Variants in VRTN observed in about 807,000 individuals in gnomAD.
VRTN encodes vertebrae development associated, also known as vertnin.
VRTN carries 5 observed loss-of-function variants against 18.2 expected under a neutral mutation model. The ratio of observed to expected loss-of-function variants is 0.27; its 90% CI spans 0.14 to 0.58. The LOEUF (loss-of-function observed/expected upper bound fraction) is 0.58, where lower values mean the gene tolerates loss of function less well. Ranked by LOEUF, VRTN falls within the 20% of genes least tolerant of loss-of-function variation. The pLI is 0.91. For synonymous variants in VRTN, 381 were observed against 393.7 expected (o/e 0.97, Z 0.38); for missense variants, 741 against 939.4 (o/e 0.79, Z 2.76).
chr14:74,304,384 G>C (rs773947455), intron 1 of VRTN, among the ~76,000 whole-genome samples: 2 of 151,992 alleles, frequency 1.3e-5, no homozygotes, highest in African/African-American at 2.4e-5. Context: ...TCGAACTCCC[G>C]ACCTCAGGTG....
In VRTN at chr14:74,357,889, T is replaced by C. The variant is rs747196358; in HGVS notation, c.1106T>C (p.Leu369Pro). 1 of 1,614,040 alleles carries C rather than the reference T, an allele frequency of 6.2e-7. No individual in the cohort carries two copies. The highest frequency in any genetic ancestry group is 8.5e-7 in the Non-Finnish European group (1 of 1,180,028). Residue 369 changes from leucine (L) to proline (P), a missense_variant, in exon 2 of 2, where the codon CTG (leucine) becomes CCG (proline). By Grantham distance (98) the Leu-to-Pro change is moderately conservative. Around this residue, in one of 3 missense-constraint regions of VRTN, gnomAD observed 494 missense variants for 546.5 expected, o/e 0.90. Coordinates refer to ENST00000256362, the MANE Select transcript of VRTN (RefSeq NM_018228.3). The surrounding 1 kb of genome is among the most constrained non-coding windows in gnomAD (Gnocchi z 7.8). ...TCPALPPREV[L>P]GMEELEKLPE... ...CCGGCCTTGCCCCCCAGGGAGGTGCTGGGCATGGAGGAGCTAGAGAAGCTG... is the reference window on the plus strand; with the variant it reads ...CCGGCCTTGCCCCCCAGGGAGGTGCCGGGCATGGAGGAGCTAGAGAAGCTG...
At chr14:74,317,719 G>A (rs550070155) in intron 1 of VRTN, among the ~76,000 whole-genome samples, 3 of 152,124 alleles carry the variant, frequency 2.0e-5, no homozygotes, top group African/African-American at 4.8e-5. Flanking sequence ...TGAGAATCAC[G>A]TGAACTTGGG....
chr14:74,343,751 C>G (rs2085623738), upstream of VRTN, among the ~76,000 whole-genome samples: 2 of 151,968 alleles, frequency 1.3e-5, no homozygotes, highest in South Asian at 4.1e-4. Context: ...AAATACACAC[C>G]AGATTTTGAA....
intron 1 of VRTN, among the ~76,000 whole-genome samples, chr14:74,323,582 TA>T (rs753171321): frequency 5.5e-4 from 77 of 140,392 alleles, no homozygotes; most frequent in Admixed American, 1.9e-3. Flanking sequence ...AAATTCCATC[TA>T]AAAAAAAAAA....
upstream of VRTN, among the ~76,000 whole-genome samples, chr14:74,347,548 C>T (rs550389940): frequency 1.9e-4 from 29 of 152,296 alleles, no homozygotes; most frequent in Admixed American, 1.4e-3. Flanking sequence ...AGAGACAGCA[C>T]GGAGGAGCTG....
chr14:74,357,254 C>T lies in VRTN; in HGVS notation c.471C>T (p.Phe157=), dbSNP rs367591527. Reference sequence around the variant, plus strand: ...CCCCCGCCACGCTGGAGGCCATCTTCGATGCCGACGTCAAGGCCTCCTGTT... The same window carrying T: ...CCCCCGCCACGCTGGAGGCCATCTTTGATGCCGACGTCAAGGCCTCCTGTT... ...SLPPATLEAI[F]DADVKASCFP... The change falls in exon 2 of 2, where the codon TTC becomes TTT. Residue 157 remains phenylalanine, a synonymous_variant. Transcript: ENST00000256362. This position sits in a 1 kb window ranked among gnomAD's most constrained non-coding sequence, Gnocchi z 7.8. 87 of 1,613,540 alleles carry T rather than the reference C, an allele frequency of 5.4e-5. No homozygotes were observed. The highest frequency in any genetic ancestry group is 5.6e-5 in the Non-Finnish European group (66 of 1,179,828).
At chr14:74,327,166 A>G (rs1367083717) in intron 1 of VRTN, among the ~76,000 whole-genome samples, 2 of 152,146 alleles carry the variant, frequency 1.3e-5, no homozygotes, top group Non-Finnish European at 2.9e-5. Context: ...TGCTTGGAAC[A>G]ATGGTAGGTG....
chr14:74,303,037 C>T, upstream of VRTN: 1 of 1,063,900 alleles, frequency 9.4e-7, no homozygotes, highest in Non-Finnish European at 1.3e-6. Flanking sequence ...GTGCGGGAGA[C>T]GCGGACTCTC....
At chr14:74,324,652 C>A (rs1350894987) in intron 1 of VRTN, among the ~76,000 whole-genome samples, 2 of 152,002 alleles carry the variant, frequency 1.3e-5, no homozygotes, top group African/African-American at 4.8e-5. Flanking sequence ...CTTTGGGAGG[C>A]CGAGGCAGGA....
chr14:74,331,730 G>A (rs1024543097), intron 1 of VRTN, among the ~76,000 whole-genome samples: 9 of 128,946 alleles, frequency 7.0e-5, no homozygotes, highest in African/African-American at 3.1e-4. Context: ...CACACTTTAC[G>A]TTGTGTAAGA....
chr14:74,344,733 T>TAAAAAAAAAAAAAAAAAAA (rs60479764), upstream of VRTN, among the ~76,000 whole-genome samples: 3 of 54,034 alleles, frequency 5.6e-5, no homozygotes, highest in African/African-American at 2.5e-4. Context: ...AGACTCTGAC[T>TAAAAAAAAAAAAAAAAAAA]AAAAAAAAAA....
At chr14:74,321,078 G>A (rs911989965) in intron 1 of VRTN, among the ~76,000 whole-genome samples, 1 of 151,986 alleles carries the variant, frequency 6.6e-6, no homozygotes, top group Non-Finnish European at 1.5e-5. Flanking sequence ...AGGAGAAACA[G>A]GAAGGTGAGA....
At chr14:74,325,221 C>T (rs1279236764) in intron 1 of VRTN, among the ~76,000 whole-genome samples, 1 of 152,070 alleles carries the variant, frequency 6.6e-6, no homozygotes, top group African/African-American at 2.4e-5. Context: ...GGGACAGCTC[C>T]TGTGGGCCAT....
chr14:74,319,976 C>T (rs1364351334), intron 1 of VRTN, among the ~76,000 whole-genome samples: 3 of 152,036 alleles, frequency 2.0e-5, no homozygotes, highest in African/African-American at 7.2e-5. Flanking sequence ...TGGCTGGGCA[C>T]GGTGGCTCAT....
chr14:74,331,544 T>TTATTTATATATA, intron 1 of VRTN, among the ~76,000 whole-genome samples: 1 of 43,490 alleles, frequency 2.3e-5, no homozygotes, highest in Non-Finnish European at 4.9e-5. Flanking sequence ...AAAAAAAATT[T>TTATTTATATATA]TATATATATA....
At position 74,357,940 on chromosome 14, in the gene VRTN, A is replaced by G; in HGVS notation, c.1157A>G (p.Glu386Gly). 1 of 1,614,160 alleles carries G rather than the reference A, an allele frequency of 6.2e-7. No individual in the cohort carries two copies. The highest frequency in any genetic ancestry group is 1.1e-5 in the South Asian group (1 of 91,080). Residue 386 changes from glutamate (E) to glycine (G), a missense_variant, in exon 2 of 2, where the codon GAG becomes GGG. Coordinates refer to ENST00000256362, the MANE Select transcript of VRTN (RefSeq NM_018228.3). The surrounding 1 kb of genome is among the most constrained non-coding windows in gnomAD (Gnocchi z 7.8). ...KLPEEQVAEE[E>G]LECSALAVSS... Reference sequence around the variant, plus strand: ...CCGGAGGAGCAGGTGGCTGAGGAGGAGCTGGAGTGCTCCGCACTGGCGGTG... The same window carrying G: ...CCGGAGGAGCAGGTGGCTGAGGAGGGGCTGGAGTGCTCCGCACTGGCGGTG...
At chr14:74,338,350 G>A (rs1211910916) in intron 2 of VRTN, among the ~76,000 whole-genome samples, 2 of 152,088 alleles carry the variant, frequency 1.3e-5, no homozygotes, top group African/African-American at 2.4e-5. Context: ...TCTGAGAAAC[G>A]CCAGTACCCA....
intron 1 of VRTN, among the ~76,000 whole-genome samples, chr14:74,325,364 A>G (rs1181578545): frequency 3.3e-5 from 5 of 152,200 alleles, no homozygotes; most frequent in Non-Finnish European, 7.3e-5. Context: ...AGAGAAAAAA[A>G]TTGCAAATTG....
rs564056249 is a variant in VRTN at position 74,321,505 on chromosome 14, CT to C, written c.-163-16200del. ...CCACATTCTTGCTCTCTTTCATTTG[CT>C]TTTTTTTTTTTTTTTTTGAGACAGA... On this transcript the variant is annotated intron_variant, in intron 1 of 2. Coordinates refer to the VRTN transcript ENST00000557177. 6.1e-3 allele frequency among the ~76,000 whole-genome samples: 785 copies of C among 129,098 alleles called. 4 individuals carry two copies. The highest frequency in any genetic ancestry group is 0.015 in the African/African-American group (493 of 33,758). 84.7% of individuals were successfully genotyped at this position (129,098 alleles called of 152,430 possible).
Sources: gnomAD v4.1 joint callset for allele counts (sites outside exome capture counted in the v4.1 genomes callset) on GRCh38, gnomAD v4.1.1 for gene constraint, gnomAD v4.1.1 regional missense constraint, Gnocchi (gnomAD v3.1) non-coding constraint, MANE v1.5 for transcripts, NCBI Gene and HGNC (gene_info 2026-07-23, HGNC 2026-07-21) for gene names.